The following BANP variants were observed in gnomAD, a reference collection of about 807,000 sequenced individuals.
BANP encodes BTG3 associated nuclear protein, also known as protein BANP.
Under a neutral mutation model 68.1 loss-of-function variants are expected in BANP, and 11 were observed. The observed-to-expected ratio is 0.16, with a 90% confidence interval of 0.10 to 0.27. The LOEUF (loss-of-function observed/expected upper bound fraction) is 0.27. Ranked by LOEUF, BANP falls within the 10% of genes least tolerant of loss-of-function variation. The pLI is 1.00. For synonymous variants in BANP, 329 were observed against 303.2 expected, an observed-to-expected ratio of 1.09 and a Z score of -0.88; for missense variants, 504 against 722.7, an observed-to-expected ratio of 0.70 and a Z score of 3.47.
At chr16:88,017,818 G>T (rs1279576413) in intron 6 of BANP, among the ~76,000 whole-genome samples, 1 of 152,214 alleles carries the variant, frequency 6.6e-6, no homozygotes, top group Admixed American at 6.5e-5. Context: ...AGAACGTGGC[G>T]CATTCCCACA....
intron 1 of BANP, among the ~76,000 whole-genome samples, chr16:87,968,273 C>A (rs995699713): frequency 1.4e-4 from 21 of 151,200 alleles, no homozygotes; most frequent in African/African-American, 5.1e-4. Flanking sequence ...CACCTGAGGC[C>A]GGGAGTTCGA....
At chr16:88,045,474 A>G (rs1170526415) in intron 11 of BANP, among the ~76,000 whole-genome samples, 2 of 152,228 alleles carry the variant, frequency 1.3e-5, no homozygotes, top group Non-Finnish European at 2.9e-5. Flanking sequence ...CTTGGGGGCC[A>G]GAGCCCAGGC....
rs1352658103 is a variant in BANP at position 88,036,562 on chromosome 16, C to A, written c.1272+1168C>A. The stretch of plus-strand genomic sequence containing the variant: ...GCTGGCAGTGGCTTTAATTTGGACA[C>A]CAGCAGTTCCCGGTGGGTTATCCTG... On this transcript the variant is annotated intron_variant, in intron 10 of 13. Coordinates refer to ENST00000682872, the MANE Select transcript of BANP (RefSeq NM_001386991.1). The surrounding 1 kb of genome is among the most constrained non-coding windows in gnomAD (Gnocchi z 4.2). Among the ~76,000 whole-genome samples, 1 of 152,078 alleles carries A rather than the reference C, an allele frequency of 6.6e-6. No individual in the cohort carries two copies. The highest frequency in any genetic ancestry group is 1.5e-5 in the Non-Finnish European group (1 of 67,980).
In BANP at chr16:87,984,180, A is replaced by C. The variant is rs776932248; in HGVS notation, c.283A>C (p.Lys95Gln). The change falls in exon 4 of 14, where the codon AAG becomes CAG. Residue 95 changes from lysine to glutamine, a missense_variant. Coordinates refer to ENST00000682872, the MANE Select transcript of BANP (RefSeq NM_001386991.1). The stretch of plus-strand genomic sequence containing the variant: ...AGAAAAGCTGGATCTGGTCACGAAC[A>C]AGCAGCACAGCCCCATCCAGGTCCC... ...LEEKLDLVTN[K>Q]QHSPIQVPMV... 85 of 1,607,790 alleles carry C rather than the reference A, an allele frequency of 5.3e-5. No homozygotes were observed. Among genetic ancestry groups the C allele is most frequent in the Non-Finnish European group, 7.1e-5 (83 of 1,176,510 alleles).
rs2070215809 is a variant in BANP, at chr16:88,004,030, T to C, written c.363-265T>C. 3 of 421,092 alleles carry C rather than the reference T, an allele frequency of 7.1e-6. No individual in the cohort carries two copies. The highest frequency in any genetic ancestry group is 5.2e-5 in the East Asian group (1 of 19,096). 26.1% of individuals were successfully genotyped at this position (421,092 alleles called of 1,614,324 possible). On this transcript the variant is annotated intron_variant, in intron 4 of 13. Coordinates refer to ENST00000682872, the MANE Select transcript of BANP (RefSeq NM_001386991.1). The surrounding 1 kb of genome is among the most constrained non-coding windows in gnomAD (Gnocchi z 7.0). The stretch of plus-strand genomic sequence containing the variant: ...TCCTCAGCCCAGCTGTCCTGTGCTA[T>C]CCAGTTGTGCAGACAGATCACCAAC...
At chr16:88,034,233 A>C (rs2078818845) in intron 9 of BANP, among the ~76,000 whole-genome samples, 1 of 152,224 alleles carries the variant, frequency 6.6e-6, no homozygotes, top group East Asian at 1.9e-4. Flanking sequence ...TAATAAGCTT[A>C]TTAATTTGTT....
At chr16:88,033,997 T>A (rs1280147853) in intron 9 of BANP, among the ~76,000 whole-genome samples, 1 of 152,188 alleles carries the variant, frequency 6.6e-6, no homozygotes, top group African/African-American at 2.4e-5. Context: ...ACCAGCCCCC[T>A]TGGGCCCTCT....
intron 11 of BANP, among the ~76,000 whole-genome samples, chr16:88,053,696 TCTC>T (rs2084019104): frequency 7.3e-6 from 1 of 136,346 alleles, no homozygotes; most frequent in Non-Finnish European, 1.5e-5. Flanking sequence ...ACCACTGTCA[TCTC>T]CATCATCATC....
chr16:87,986,703 C>G (rs1301770184), intron 4 of BANP, among the ~76,000 whole-genome samples: 4 of 152,310 alleles, frequency 2.6e-5, no homozygotes, highest in East Asian at 1.9e-4. Context: ...CAGAAATCCC[C>G]CATGCTTCCC....
chr16:88,022,977 G>C (rs1021886256), intron 7 of BANP, among the ~76,000 whole-genome samples: 2 of 152,176 alleles, frequency 1.3e-5, no homozygotes, highest in Non-Finnish European at 2.9e-5. Flanking sequence ...CGTGAGTTTT[G>C]TGGGGACACT....
At chr16:88,041,904 C>A (rs1031538534) in intron 11 of BANP, among the ~76,000 whole-genome samples, 132 of 152,178 alleles carry the variant, frequency 8.7e-4, no homozygotes, top group African/African-American at 3.0e-3. Context: ...TGCGCAAGAA[C>A]CACAGAGCCT....
intron 4 of BANP, among the ~76,000 whole-genome samples, chr16:87,988,498 C>G (rs2065035898): frequency 6.6e-6 from 1 of 151,958 alleles, no homozygotes; most frequent in South Asian, 2.1e-4. Flanking sequence ...AACTCCTGAC[C>G]TCATGATCCA....
Position 88,072,219 on chromosome 16 carries a change from C to T in BANP, c.1521+7C>T, listed in dbSNP as rs1236686049. On this transcript the variant is annotated splice_region_variant and intron_variant, in intron 13 of 13. Transcript: ENST00000682872. ...CCACACGGCCGGGGCACAGGTGAGT[C>T]TGGGGCCCCGCGCCGGGACACTGAA... 6.2e-7 allele frequency: 1 copy of T among 1,605,486 alleles called. No homozygotes were observed. Among genetic ancestry groups the T allele is most frequent in the Admixed American group, 1.7e-5 (1 of 59,328 alleles).
intron 1 of BANP, among the ~76,000 whole-genome samples, chr16:87,960,650 C>T (rs947407530): frequency 6.6e-6 from 1 of 152,164 alleles, no homozygotes. Flanking sequence ...AGCAGATGAG[C>T]TGTTTCACAA....
At chr16:87,954,387 C>T (rs182441292) in intron 1 of BANP, among the ~76,000 whole-genome samples, 1 of 152,306 alleles carries the variant, frequency 6.6e-6, no homozygotes, top group African/African-American at 2.4e-5. Context: ...ACTAATGTCA[C>T]TTAAAAAAAG....
At chr16:88,031,846 C>G (rs1163004993) in intron 8 of BANP, among the ~76,000 whole-genome samples, 2 of 150,372 alleles carry the variant, frequency 1.3e-5, no homozygotes, top group East Asian at 2.0e-4. Context: ...GCTCTGTTGC[C>G]TGGAGCTGAG....
At chr16:87,999,172 A>G (rs1483828210) in intron 4 of BANP, among the ~76,000 whole-genome samples, 90 of 76,314 alleles carry the variant, frequency 1.2e-3, no homozygotes, top group Non-Finnish European at 1.4e-3. Flanking sequence ...TTCCAGACAC[A>G]TCTCCATGCC....
At chr16:87,954,759 T>C (rs2057714894) in intron 1 of BANP, among the ~76,000 whole-genome samples, 1 of 152,222 alleles carries the variant, frequency 6.6e-6, no homozygotes, top group Non-Finnish European at 1.5e-5. Flanking sequence ...TCTGCATCTG[T>C]CAGGAGTGTG....
chr16:88,019,999 G>A (rs1251659233), intron 7 of BANP, among the ~76,000 whole-genome samples: 2 of 152,216 alleles, frequency 1.3e-5, no homozygotes, highest in African/African-American at 4.8e-5. Context: ...TCCCAGGCGT[G>A]TGCCCCAGCT....
Sources: gnomAD v4.1 joint callset for allele counts (sites outside exome capture counted in the v4.1 genomes callset) on GRCh38, gnomAD v4.1.1 for gene constraint, Gnocchi (gnomAD v3.1) non-coding constraint, MANE v1.5 for transcripts, NCBI Gene and HGNC (gene_info 2026-07-23, HGNC 2026-07-21) for gene names.